The following GALNT14 variants were observed in gnomAD, a reference collection of about 807,000 sequenced individuals.
GALNT14 encodes the protein UDP-GalNAc:polypeptide N-acetylgalactosaminyltransferase 14.
In GALNT14, 60 loss-of-function variants were observed where a neutral mutation model predicts 77.5. The observed-to-expected ratio is 0.77, with a 90% CI of 0.63 to 0.96. The LOEUF (loss-of-function observed/expected upper bound fraction) is 0.96. Ranked by LOEUF, GALNT14 falls within the 40% of genes least tolerant of loss-of-function variation. The probability of loss-of-function intolerance (pLI) is 0.00; values close to 1 mark genes in which losing one functional copy is unlikely to be tolerated. For missense variants in GALNT14, 710 were observed against 731.0 expected (o/e 0.97, Z 0.33); for synonymous variants, 280 against 281.7 (o/e 0.99, Z 0.06).
chr2:30,955,310 C>T (rs563671140), intron 6 of GALNT14, among the ~76,000 whole-genome samples: 5 of 152,296 alleles, frequency 3.3e-5, no homozygotes, highest in South Asian at 2.1e-4. Context: ...CCGGTAGAAC[C>T]GGTTCTGGGC....
chr2:30,888,822 A>G, the GALNT14 span, among the ~76,000 whole-genome samples: 145 of 152,302 alleles, frequency 9.5e-4, no homozygotes, highest in South Asian at 0.014. Context: ...TCTGTGGCAA[A>G]TTCAGTCACA....
At chr2:31,024,179 C>T (rs1671904043) in intron 1 of GALNT14, among the ~76,000 whole-genome samples, 1 of 152,124 alleles carries the variant, frequency 6.6e-6, no homozygotes, top group East Asian at 1.9e-4. Flanking sequence ...TACTCCATGC[C>T]ATCTCCCAGC....
At chr2:30,979,357 G>A (rs1386138112) in intron 2 of GALNT14, among the ~76,000 whole-genome samples, 3 of 152,108 alleles carry the variant, frequency 2.0e-5, no homozygotes, top group Admixed American at 1.3e-4. Context: ...GGTGGCACCC[G>A]GCCTGAGATG....
intron 1 of GALNT14, among the ~76,000 whole-genome samples, chr2:31,020,399 G>A (rs992542591): frequency 9.2e-5 from 14 of 152,172 alleles, no homozygotes; most frequent in African/African-American, 3.1e-4. Flanking sequence ...GGTTTAGAAA[G>A]AAGCAAAATA....
chr2:31,055,543 T>C (rs1315425587), intron 1 of GALNT14, among the ~76,000 whole-genome samples: 1 of 152,132 alleles, frequency 6.6e-6, no homozygotes, highest in Non-Finnish European at 1.5e-5. Flanking sequence ...CTCTGAGCTC[T>C]GGTGTGCCCC....
At chr2:31,017,449 T>A (rs2148453530) in intron 1 of GALNT14, among the ~76,000 whole-genome samples, 1 of 152,362 alleles carries the variant, frequency 6.6e-6, no homozygotes, top group African/African-American at 2.4e-5. Context: ...TATAAATATT[T>A]AAATTTCCTA....
At chr2:31,022,093 T>A (rs1332687866) in intron 1 of GALNT14, among the ~76,000 whole-genome samples, 1 of 152,172 alleles carries the variant, frequency 6.6e-6, no homozygotes, top group Non-Finnish European at 1.5e-5. Context: ...TGCCTCCTGG[T>A]CTTCTATTCT....
intron 1 of GALNT14, among the ~76,000 whole-genome samples, chr2:31,036,411 C>T (rs1353682307): frequency 1.3e-5 from 2 of 152,170 alleles, no homozygotes; most frequent in Non-Finnish European, 2.9e-5. Flanking sequence ...TACCTCTTTT[C>T]CCTCCTCCCC....
intron 9 of GALNT14, among the ~76,000 whole-genome samples, chr2:30,941,370 G>A (rs1666368679): frequency 6.6e-6 from 1 of 152,202 alleles, no homozygotes; most frequent in Non-Finnish European, 1.5e-5. Flanking sequence ...TGATCTCCTA[G>A]GTCTCACCTG....
chr2:31,000,291 T>C (rs1401628379), intron 1 of GALNT14, among the ~76,000 whole-genome samples: 1 of 152,224 alleles, frequency 6.6e-6, no homozygotes, highest in African/African-American at 2.4e-5. Flanking sequence ...ACTCAGCTTT[T>C]ACCCAAAGCC....
intron 1 of GALNT14, among the ~76,000 whole-genome samples, chr2:31,003,771 G>C (rs1280916500): frequency 1.3e-5 from 2 of 152,150 alleles, no homozygotes; most frequent in African/African-American, 2.4e-5. Flanking sequence ...TAACTGAATG[G>C]ACAGAAGCCC....
chr2:30,997,488 G>A (rs183605378), intron 1 of GALNT14, among the ~76,000 whole-genome samples: 81 of 152,216 alleles, frequency 5.3e-4, no homozygotes, highest in African/African-American at 1.9e-3. Context: ...GATACGTCCC[G>A]GGAAAACAAG....
chr2:30,961,313 C>T (rs948409710), intron 3 of GALNT14, among the ~76,000 whole-genome samples: 2 of 152,206 alleles, frequency 1.3e-5, no homozygotes, highest in East Asian at 3.8e-4. Flanking sequence ...TTATCAAACG[C>T]TCCATAAATA....
downstream of GALNT14, among the ~76,000 whole-genome samples, chr2:30,907,218 A>G (rs1460081147): frequency 6.6e-6 from 1 of 152,232 alleles, no homozygotes; most frequent in Non-Finnish European, 1.5e-5. Flanking sequence ...TCGGAGCAGA[A>G]CTGAAGGAAA....
intron 2 of GALNT14, among the ~76,000 whole-genome samples, chr2:30,980,049 C>T (rs1368521338): frequency 6.6e-6 from 1 of 152,232 alleles, no homozygotes; most frequent in Non-Finnish European, 1.5e-5. Flanking sequence ...GTCTGACATT[C>T]AGGCAAATGG....
chr2:30,949,046 A>G (rs929720299), intron 6 of GALNT14, among the ~76,000 whole-genome samples: 8 of 151,878 alleles, frequency 5.3e-5, no homozygotes, highest in African/African-American at 1.9e-4. Context: ...CTTGGCTGAG[A>G]GTCTTGGAGG....
intron 1 of GALNT14, among the ~76,000 whole-genome samples, chr2:31,095,671 TC>T (rs35665841): frequency 0.048 from 7,260 of 152,210 alleles, 308 homozygotes; most frequent in African/African-American, 0.12. Flanking sequence ...TCCTAATCTT[TC>T]CCAGGCTATT....
At chr2:30,938,328 C>CAT (rs1188078990) in intron 9 of GALNT14, among the ~76,000 whole-genome samples, 1 of 150,896 alleles carries the variant, frequency 6.6e-6, no homozygotes, top group African/African-American at 2.4e-5. Flanking sequence ...CACACACACA[C>CAT]AGACTTTATA....
chr2:31,085,752 C>T (rs13407335), intron 1 of GALNT14, among the ~76,000 whole-genome samples: 8,961 of 152,284 alleles, frequency 0.059, 268 homozygotes, highest in South Asian at 0.085. Flanking sequence ...ACATGTGACA[C>T]GTGCTCTGCC....
Sources: gnomAD v4.1 joint callset for allele counts (sites outside exome capture counted in the v4.1 genomes callset) on GRCh38, gnomAD v4.1.1 for gene constraint, MANE v1.5 for transcripts, NCBI Gene and HGNC (gene_info 2026-07-23, HGNC 2026-07-21) for gene names.